XPNPEP1: variants seen among roughly 807,000 people sequenced by gnomAD.
The protein encoded by XPNPEP1 is xaa-Pro aminopeptidase 1.
A neutral mutation model predicts 92.4 loss-of-function variants in XPNPEP1; 39 were observed. That is an observed-to-expected ratio of 0.42 (90% CI 0.33 to 0.55). XPNPEP1 has a LOEUF of 0.55. Among genes scored for constraint, XPNPEP1 ranks in the 20% least tolerant of loss-of-function variants. The pLI is 0.08. For synonymous variants in XPNPEP1, 307 were observed against 299.4 expected (o/e 1.03, Z -0.26); for missense variants, 654 against 856.1 (o/e 0.76, Z 2.95).
In XPNPEP1 at chr10:109,882,601, T is replaced by C. The variant is rs1276791135; in HGVS notation, c.872A>G (p.Lys291Arg). 28 of 1,614,034 alleles carry C rather than the reference T, an allele frequency of 1.7e-5. No homozygotes were observed. Among genetic ancestry groups the C allele is most frequent in the Non-Finnish European group, 2.3e-5 (27 of 1,180,026 alleles). ...DGDRIDAPSV[K>R]EHLLLDLGLE... The stretch of plus-strand genomic sequence containing the variant: ...ACCCAAGTCAAGAAGCAGGTGCTCC[T>C]TCACACTGGGGGCGTCTATGCGGTC... The change falls in exon 10 of 21, where the codon AAG becomes AGG. Residue 291 changes from lysine (K) to arginine (R), a missense_variant. Coordinates refer to ENST00000502935, the MANE Select transcript of XPNPEP1 (RefSeq NM_020383.4).
At chr10:109,870,691 T>C in intron 18 of XPNPEP1, 40 bp downstream of exon 18, 1 of 1,575,234 alleles carries the variant, frequency 6.3e-7, no homozygotes, top group Middle Eastern at 1.7e-4. Context: ...TCAAAAAGGC[T>C]CAAGGATCCA....
At chr10:109,909,746 G>T (rs183444653) in intron 2 of XPNPEP1, among the ~76,000 whole-genome samples, 123 of 152,210 alleles carry the variant, frequency 8.1e-4, no homozygotes, top group East Asian at 5.6e-3. Flanking sequence ...TATACTATTA[G>T]AATTCAAAGT....
In XPNPEP1 at chr10:109,923,438, C is replaced by A; in HGVS notation, c.-5G>T. 7.0e-7 allele frequency: 1 copy of A among 1,438,074 alleles called. No homozygotes were observed. The highest frequency in any genetic ancestry group is 9.1e-7 in the Non-Finnish European group (1 of 1,094,854). 89.1% of individuals were successfully genotyped at this position (1,438,074 alleles called of 1,614,324 possible). Reference sequence around the variant, plus strand: ...TGGCTTTCTGGAGGCTGCCATTCGGCGGTGACGTGCCCCAGCCCACGTCAG... The same window carrying A: ...TGGCTTTCTGGAGGCTGCCATTCGGAGGTGACGTGCCCCAGCCCACGTCAG... On this transcript the variant is annotated 5_prime_UTR_variant, in exon 1 of 21. Coordinates refer to ENST00000502935, the MANE Select transcript of XPNPEP1 (RefSeq NM_020383.4).
In XPNPEP1 at chr10:109,882,444, C is replaced by T; in HGVS notation, c.1029G>A (p.Glu343=). ...TGGGGTCACCAACCTTGGGGATGGT[C>T]TCGCTCACAGCATAGCTGGCCTTGT... ...VSDKASYAVS[E]TIPKDHRCCM... Residue 343 remains glutamate (E), a synonymous_variant, in exon 10 of 21, where the codon GAG becomes GAA. Coordinates refer to ENST00000502935, the MANE Select transcript of XPNPEP1 (RefSeq NM_020383.4). 6.2e-7 allele frequency: 1 copy of T among 1,613,072 alleles called. No homozygotes were observed. The highest frequency in any genetic ancestry group is 1.7e-5 in the Admixed American group (1 of 59,996).
At chr10:109,873,985 G>C (rs941387199) in intron 15 of XPNPEP1, among the ~76,000 whole-genome samples, 11 of 152,120 alleles carry the variant, frequency 7.2e-5, no homozygotes, top group Non-Finnish European at 2.9e-5. Context: ...AGTGGAAAAG[G>C]GGGTAGTGAC....
intron 2 of XPNPEP1, among the ~76,000 whole-genome samples, chr10:109,910,544 CAA>C (rs200098456): frequency 3.2e-4 from 32 of 100,340 alleles, no homozygotes; most frequent in Admixed American, 5.2e-4. Flanking sequence ...AACTCTGTCT[CAA>C]AAAAAAAAAA....
intron 6 of XPNPEP1, 81 bp downstream of exon 6, chr10:109,888,421 AC>A (rs1848518826): frequency 7.1e-7 from 1 of 1,404,466 alleles, no homozygotes; most frequent in Admixed American, 2.2e-5. Context: ...AGTGCTCCAC[AC>A]CCCACAAGCA....
chr10:109,889,428 C>G (rs562193925), intron 5 of XPNPEP1, among the ~76,000 whole-genome samples: 58 of 152,320 alleles, frequency 3.8e-4, no homozygotes, highest in Middle Eastern at 3.4e-3. Context: ...GTCTTGAACT[C>G]CTGGCCTCAA....
At chr10:109,891,866 C>T in intron 4 of XPNPEP1, 40 bp from the exon 5 acceptor site, 1 of 1,592,808 alleles carries the variant, frequency 6.3e-7, no homozygotes. Context: ...AGAAAGGTTT[C>T]TAACAACTGC....
At chr10:109,911,247 A>G (rs1849853489) in intron 2 of XPNPEP1, among the ~76,000 whole-genome samples, 1 of 152,184 alleles carries the variant, frequency 6.6e-6, no homozygotes, top group African/African-American at 2.4e-5. Context: ...TGTTCCTTGC[A>G]TTACACCTGC....
intron 2 of XPNPEP1, among the ~76,000 whole-genome samples, chr10:109,909,438 T>C (rs529034803): frequency 1.3e-5 from 2 of 152,312 alleles, no homozygotes; most frequent in South Asian, 4.1e-4. Context: ...TAAAATGAAA[T>C]GTTAAAGATG....
chr10:109,883,307 C>T (rs1378526901), intron 9 of XPNPEP1, among the ~76,000 whole-genome samples: 3 of 151,902 alleles, frequency 2.0e-5, no homozygotes, highest in Non-Finnish European at 2.9e-5. Flanking sequence ...ATCATGGTTC[C>T]CCGCCCCTCC....
chr10:109,915,153 A>C (rs1850116728), intron 1 of XPNPEP1, 54 bp from the exon 2 acceptor site: 1 of 1,226,894 alleles, frequency 8.2e-7, no homozygotes, highest in South Asian at 1.6e-5. Flanking sequence ...TAAACGTGGC[A>C]AGGCTCAGTT....
intron 3 of XPNPEP1, among the ~76,000 whole-genome samples, chr10:109,903,124 C>T (rs1332672838): frequency 3.3e-5 from 5 of 152,232 alleles, no homozygotes; most frequent in Non-Finnish European, 7.3e-5. Flanking sequence ...ATGTCGGTGT[C>T]TCCTACTAGT....
rs373946499 is a variant in XPNPEP1 at position 109,886,286 on chromosome 10, G to T, written c.708C>A (p.Asn236Lys). The T allele has an allele frequency of 6.2e-7, 1 of 1,614,168 alleles. No individual in the cohort carries two copies. The highest frequency in any genetic ancestry group is 1.1e-5 in the South Asian group (1 of 91,076). ...AGGCAGTGACCACAAACCACATGACGTTCCTCTCAGCCATTTTCAACCGAA... is the reference window on the plus strand; with the variant it reads ...AGGCAGTGACCACAAACCACATGACTTTCCTCTCAGCCATTTTCAACCGAA... Reference protein sequence around the residue: ...ADLRLKMAERNVMWFVVTALD... With the variant: ...ADLRLKMAERKVMWFVVTALD... Residue 236 changes from asparagine to lysine, a missense_variant, in exon 8 of 21, where the codon AAC (asparagine) becomes AAA (lysine). Asn to Lys is a moderately conservative substitution (Grantham distance 94). Transcript: ENST00000502935.
At chr10:109,907,089 T>C (rs1455700055) in intron 3 of XPNPEP1, among the ~76,000 whole-genome samples, 5 of 152,202 alleles carry the variant, frequency 3.3e-5, no homozygotes, top group African/African-American at 1.2e-4. Flanking sequence ...GCCTTATACA[T>C]AAGTAAAGGC....
chr10:109,886,718 C>A (rs1848411395), intron 7 of XPNPEP1, among the ~76,000 whole-genome samples: 1 of 152,188 alleles, frequency 6.6e-6, no homozygotes, highest in Admixed American at 6.5e-5. Context: ...ATTAAACCAG[C>A]AATTAACACA....
rs1273138795 is a variant in XPNPEP1 at position 109,923,446 on chromosome 10, T to G, written c.-13A>C. 1 of 1,434,488 alleles carries G rather than the reference T, an allele frequency of 7.0e-7. No homozygotes were observed. The highest frequency in any genetic ancestry group is 1.3e-5 in the South Asian group (1 of 76,604). 88.9% of individuals were successfully genotyped at this position (1,434,488 alleles called of 1,614,324 possible). On this transcript the variant is annotated 5_prime_UTR_variant, in exon 1 of 21. Coordinates refer to ENST00000502935, the MANE Select transcript of XPNPEP1 (RefSeq NM_020383.4). ...TGGAGGCTGCCATTCGGCGGTGACG[T>G]GCCCCAGCCCACGTCAGGGGAGCGC... is the stretch of plus-strand genomic sequence containing the variant.
intron 8 of XPNPEP1, chr10:109,884,410 A>C: frequency 2.4e-6 from 1 of 412,722 alleles, no homozygotes; most frequent in Admixed American, 4.3e-5. Flanking sequence ...CTATTAGTTG[A>C]AATCCTGAGA....
Sources: allele counts gnomAD v4.1 joint callset (sites outside exome capture counted in the v4.1 genomes callset), GRCh38; gene constraint gnomAD v4.1.1; transcripts MANE v1.5; gene names NCBI Gene and HGNC (gene_info 2026-07-23, HGNC 2026-07-21).